Variants in SLCO1A2 observed in about 807,000 individuals in gnomAD.
The protein encoded by SLCO1A2 is OATP-1.
In SLCO1A2, 67 loss-of-function variants were observed where a neutral mutation model predicts 69.0. The ratio of observed to expected loss-of-function variants is 0.97; its 90% CI spans 0.80 to 1.19. The LOEUF (loss-of-function observed/expected upper bound fraction) is 1.19. Among genes scored for constraint, SLCO1A2 ranks in the 50% most tolerant of loss-of-function variants. The pLI is 0.00. For missense variants in SLCO1A2, 787 were observed against 793.7 expected (o/e 0.99, Z 0.10); for synonymous variants, 260 against 265.9 (o/e 0.98, Z 0.22).
upstream of SLCO1A2, among the ~76,000 whole-genome samples, chr12:21,398,201 G>A (rs1195980291): frequency 2.0e-5 from 3 of 150,472 alleles, no homozygotes; most frequent in South Asian, 2.1e-4. Flanking sequence ...TGTCACCACC[G>A]ATCCCACAGA....
At chr12:21,419,621 A>T (rs1327776231), upstream of SLCO1A2, 1 of 167,356 alleles carries the variant, frequency 6.0e-6, no homozygotes, top group African/African-American at 2.4e-5. Flanking sequence ...ATCAATCTGC[A>T]AGGCGGCAAT....
chr12:21,305,387 C>G (rs551274472), intron 5 of SLCO1A2, among the ~76,000 whole-genome samples: 1 of 152,324 alleles, frequency 6.6e-6, no homozygotes, highest in South Asian at 2.1e-4. Flanking sequence ...ACTCTCACCT[C>G]CTATAAATTT....
At chr12:21,408,964 T>C (rs1298303866) in intron 1 of SLCO1A2, among the ~76,000 whole-genome samples, 3 of 152,196 alleles carry the variant, frequency 2.0e-5, no homozygotes, top group Non-Finnish European at 4.4e-5. Flanking sequence ...GCCAAACTTA[T>C]AAAAAGGCGG....
At chr12:21,350,864 A>AAAG (rs1937896315) in intron 2 of SLCO1A2, among the ~76,000 whole-genome samples, 2 of 149,120 alleles carry the variant, frequency 1.3e-5, no homozygotes, top group Non-Finnish European at 3.0e-5. Flanking sequence ...AAAAAAAAAA[A>AAAG]GTCATGTTTC....
chr12:21,399,941 A>G (rs1191952442), upstream of SLCO1A2, among the ~76,000 whole-genome samples: 3 of 152,000 alleles, frequency 2.0e-5, no homozygotes, highest in East Asian at 3.9e-4. Context: ...AAAGCTAGGC[A>G]TTACCATTCA....
intron 12 of SLCO1A2, among the ~76,000 whole-genome samples, chr12:21,276,387 G>GAC (rs3060629): frequency 0.068 from 9,610 of 141,892 alleles, 310 homozygotes; most frequent in East Asian, 0.12. Flanking sequence ...GATAAATATG[G>GAC]ACACACACAC....
chr12:21,287,956 A>G (rs1946206082), intron 12 of SLCO1A2, among the ~76,000 whole-genome samples: 1 of 139,566 alleles, frequency 7.2e-6, no homozygotes, highest in South Asian at 2.5e-4. Context: ...GCACATGTAT[A>G]CATATGTAAC....
chr12:21,318,874 C>T lies in SLCO1A2; in HGVS notation c.110G>A (p.Gly37Glu). 1 of 1,610,828 alleles carries T rather than the reference C, an allele frequency of 6.2e-7. No homozygotes were observed. The stretch of plus-strand genomic sequence containing the variant: ...TGTGAGCATGGAATTCATATAAGAT[C>T]CAGACAGTGTTTTGGATACAAATGC... The part of the protein sequence containing the change: ...TCAFVSKTLS[G>E]SYMNSMLTQI... Residue 37 changes from glycine to glutamate, a missense_variant, in exon 3 of 15, where the codon GGA becomes GAA. By Grantham distance (98) the Gly-to-Glu change is moderately conservative. Coordinates refer to ENST00000683939, the MANE Select transcript of SLCO1A2 (RefSeq NM_001386879.1).
At chr12:21,274,776 T>A in intron 13 of SLCO1A2, 190 bp from the exon 14 acceptor site, 1 of 678,524 alleles carries the variant, frequency 1.5e-6, no homozygotes, top group Non-Finnish European at 2.3e-6. Flanking sequence ...AGATAAGTAA[T>A]CTTATGGTCA....
chr12:21,326,679 C>A (rs548901876), intron 2 of SLCO1A2, among the ~76,000 whole-genome samples: 88 of 152,258 alleles, frequency 5.8e-4, no homozygotes, highest in African/African-American at 1.9e-3. Flanking sequence ...CACTAGAGAT[C>A]AGTGGAACTT....
At chr12:21,295,889 T>G in intron 9 of SLCO1A2, 97 bp from the exon 10 acceptor site, 1 of 653,506 alleles carries the variant, frequency 1.5e-6, no homozygotes, top group Non-Finnish European at 2.6e-6. Flanking sequence ...AGTAACTATT[T>G]AGGTCCAACT....
At chr12:21,320,990 T>C (rs2136821130) in intron 2 of SLCO1A2, among the ~76,000 whole-genome samples, 1 of 152,356 alleles carries the variant, frequency 6.6e-6, no homozygotes, top group East Asian at 1.9e-4. Context: ...GACTCTAGAC[T>C]GTTTAACCTT....
intron 2 of SLCO1A2, among the ~76,000 whole-genome samples, chr12:21,341,170 T>C (rs1218064836): frequency 2.0e-5 from 3 of 151,972 alleles, no homozygotes; most frequent in Non-Finnish European, 4.4e-5. Context: ...AGTCTGGCCC[T>C]AGAGAATCGT....
At chr12:21,357,906 C>T (rs1227937351) in intron 2 of SLCO1A2, among the ~76,000 whole-genome samples, 1 of 152,008 alleles carries the variant, frequency 6.6e-6, no homozygotes, top group Non-Finnish European at 1.5e-5. Context: ...ACATGCAAAC[C>T]ATTAAATACC....
In SLCO1A2 at chr12:21,266,543, A is replaced by G. The variant is rs1007821290; in HGVS notation, c.*3005T>C. 6.6e-6 allele frequency: 1 copy of G among 152,076 alleles called. No individual in the cohort carries two copies. The highest frequency in any genetic ancestry group is 2.4e-5 in the African/African-American group (1 of 41,408). 9.4% of individuals were successfully genotyped at this position (152,076 alleles called of 1,614,324 possible). A position where few individuals can be genotyped will look rare whatever the true frequency, so the allele number is the denominator to read the frequency against. ...AATATTTATTTCATAATAATAAATG[A>G]TTCTGATGGCACTATTTCCACCCAC... is the stretch of plus-strand genomic sequence containing the variant. On this transcript the variant is annotated 3_prime_UTR_variant, in exon 15 of 15. Transcript: ENST00000683939.
intron 12 of SLCO1A2, among the ~76,000 whole-genome samples, chr12:21,279,588 T>C (rs1036154925): frequency 5.9e-5 from 9 of 152,296 alleles, no homozygotes; most frequent in Admixed American, 2.6e-4. Context: ...CTTTTACCTT[T>C]ATATCTGGTG....
chr12:21,377,473 A>G (rs1264693288), intron 1 of SLCO1A2, among the ~76,000 whole-genome samples: 1 of 152,142 alleles, frequency 6.6e-6, no homozygotes, highest in Non-Finnish European at 1.5e-5. Context: ...ATTATTCTGG[A>G]TTATGTGCAA....
At chr12:21,392,298 G>A (rs1157451695) in intron 1 of SLCO1A2, among the ~76,000 whole-genome samples, 4 of 152,124 alleles carry the variant, frequency 2.6e-5, no homozygotes, top group Non-Finnish European at 4.4e-5. Flanking sequence ...CCCCAAAGTA[G>A]CTCTGGGTAA....
chr12:21,413,931 G>A (rs1279416024), intron 1 of SLCO1A2, among the ~76,000 whole-genome samples: 1 of 152,114 alleles, frequency 6.6e-6, no homozygotes, highest in African/African-American at 2.4e-5. Context: ...TGAAAGTACT[G>A]GAGCCCTCAC....
Sources: allele counts gnomAD v4.1 joint callset (sites outside exome capture counted in the v4.1 genomes callset), GRCh38; gene constraint gnomAD v4.1.1; transcripts MANE v1.5; gene names NCBI Gene and HGNC (gene_info 2026-07-23, HGNC 2026-07-21).